The following FGGY variants were observed in gnomAD, a reference collection of about 807,000 sequenced individuals.
The protein encoded by FGGY is FGGY carbohydrate kinase domain-containing protein.
In FGGY, 72 loss-of-function variants were observed where a neutral mutation model predicts 71.3. The observed-to-expected ratio is 1.01, with a 90% CI of 0.84 to 1.23. The LOEUF (loss-of-function observed/expected upper bound fraction) is 1.23, where lower values mean the gene tolerates loss of function less well. Among genes scored for constraint, FGGY ranks in the 50% most tolerant of loss-of-function variants. The probability of loss-of-function intolerance (pLI) is 0.00; values close to 1 mark genes in which losing one functional copy is unlikely to be tolerated. For missense variants in FGGY, 668 were observed against 682.3 expected, an observed-to-expected ratio of 0.98 and a Z score of 0.23; for synonymous variants, 251 against 250.3, an observed-to-expected ratio of 1.00 and a Z score of -0.02.
chr1:59,400,870 C>T lies in FGGY; in HGVS notation c.554+22033C>T, dbSNP rs564487389. ...CACTGCAGCCTTGACCTCCCAGGCT[C>T]GAGCAATCTGCCCTCCTCAGCCTCT... On this transcript the variant is annotated intron_variant, in intron 5 of 15. Transcript: ENST00000303721. Among the ~76,000 whole-genome samples the T allele has an allele frequency of 7.2e-5, 11 of 152,180 alleles. No individual in the cohort carries two copies. The East Asian group carries it at 1.2e-3, about 16-fold the overall frequency.
intron 5 of FGGY, among the ~76,000 whole-genome samples, chr1:59,381,739 G>A (rs1198832878): frequency 1.3e-5 from 2 of 151,814 alleles, no homozygotes; most frequent in Admixed American, 1.3e-4. Flanking sequence ...GGATGGATGT[G>A]TTATGTACTT....
At chr1:59,683,253 G>T (rs1286389978) in intron 14 of FGGY, among the ~76,000 whole-genome samples, 4 of 152,188 alleles carry the variant, frequency 2.6e-5, no homozygotes, top group African/African-American at 9.7e-5. Flanking sequence ...TTTAAGTAAT[G>T]TGCCTGTGGT....
chr1:59,358,224 T>C (rs1183238208), intron 4 of FGGY, among the ~76,000 whole-genome samples: 1 of 152,212 alleles, frequency 6.6e-6, no homozygotes, highest in Non-Finnish European at 1.5e-5. Context: ...GGTATTCTTT[T>C]GGAGGAGTAA....
At chr1:59,325,476 A>C (rs1055897145) in intron 2 of FGGY, among the ~76,000 whole-genome samples, 1 of 152,198 alleles carries the variant, frequency 6.6e-6, no homozygotes, top group Non-Finnish European at 1.5e-5. Context: ...CTCAGCAGAA[A>C]GAGAGGGTGA....
chr1:59,472,781 AC>A (rs1208084748), intron 6 of FGGY, among the ~76,000 whole-genome samples: 1 of 151,282 alleles, frequency 6.6e-6, no homozygotes, highest in Non-Finnish European at 1.5e-5. Flanking sequence ...GAGGTGGAGA[AC>A]TTTTGTGTCT....
intron 5 of FGGY, among the ~76,000 whole-genome samples, chr1:59,387,647 A>T (rs7534016): frequency 6.6e-6 from 1 of 152,070 alleles, no homozygotes; most frequent in Non-Finnish European, 1.5e-5. Flanking sequence ...ACTTGAGAGA[A>T]TGGCATATTG....
intron 4 of FGGY, among the ~76,000 whole-genome samples, chr1:59,375,349 T>G (rs1234469356): frequency 6.6e-6 from 1 of 151,614 alleles, no homozygotes; most frequent in African/African-American, 2.4e-5. Flanking sequence ...AGGTAAGGGA[T>G]CAGGCTTCTG....
At chr1:59,480,602 A>T (rs978545867) in intron 6 of FGGY, among the ~76,000 whole-genome samples, 1 of 152,150 alleles carries the variant, frequency 6.6e-6, no homozygotes, top group Non-Finnish European at 1.5e-5. Flanking sequence ...TGTGTTATTT[A>T]AAAAGAAGAG....
chr1:59,305,313 A>G (rs1019363141), intron 1 of FGGY, among the ~76,000 whole-genome samples: 2 of 152,164 alleles, frequency 1.3e-5, no homozygotes, highest in African/African-American at 4.8e-5. Context: ...TATTGAGATG[A>G]TAGTATTTTT....
chr1:59,482,570 A>ATGTG (rs5774470), intron 6 of FGGY, among the ~76,000 whole-genome samples: 34,031 of 147,792 alleles, frequency 0.23, 4,513 homozygotes, highest in Middle Eastern at 0.44. Flanking sequence ...GTGTATATAT[A>ATGTG]TGTGTGTGTG....
intron 4 of FGGY, among the ~76,000 whole-genome samples, chr1:59,363,980 A>T (rs1015629559): frequency 6.6e-6 from 1 of 152,216 alleles, no homozygotes; most frequent in African/African-American, 2.4e-5. Flanking sequence ...ACAAGTAAGG[A>T]TGCACATACC....
chr1:59,646,733 A>C (rs2097098383), intron 11 of FGGY, among the ~76,000 whole-genome samples: 1 of 152,108 alleles, frequency 6.6e-6, no homozygotes, highest in Non-Finnish European at 1.5e-5. Flanking sequence ...GTCCCATTTA[A>C]AAGAAGAGAG....
At chr1:59,429,687 C>T (rs543884292) in intron 5 of FGGY, among the ~76,000 whole-genome samples, 43 of 152,248 alleles carry the variant, frequency 2.8e-4, no homozygotes, top group African/African-American at 9.9e-4. Flanking sequence ...CACAGGTGTG[C>T]ACATATGCAT....
chr1:59,393,884 G>T (rs182300571), intron 5 of FGGY, among the ~76,000 whole-genome samples: 2 of 152,084 alleles, frequency 1.3e-5, no homozygotes, highest in African/African-American at 2.4e-5. Flanking sequence ...ACACAATGTC[G>T]TCTATTCTGT....
chr1:59,323,962 C>CT (rs910013999), intron 2 of FGGY, among the ~76,000 whole-genome samples: 15 of 152,250 alleles, frequency 9.9e-5, no homozygotes, highest in African/African-American at 2.9e-4. Flanking sequence ...GGTTAGGGTT[C>CT]TTACTGTGTA....
At chr1:59,402,621 G>C (rs1320132773) in intron 5 of FGGY, among the ~76,000 whole-genome samples, 1 of 152,172 alleles carries the variant, frequency 6.6e-6, no homozygotes, top group African/African-American at 2.4e-5. Context: ...ATATTGCTTA[G>C]TATTTGGAAT....
chr1:59,500,104 G>A (rs989744439), intron 6 of FGGY, among the ~76,000 whole-genome samples: 6 of 152,184 alleles, frequency 3.9e-5, no homozygotes, highest in South Asian at 2.1e-4. Flanking sequence ...TCAGGACAAC[G>A]GCATAGAAGG....
At chr1:59,445,636 C>T (rs185707645) in intron 5 of FGGY, among the ~76,000 whole-genome samples, 1 of 152,188 alleles carries the variant, frequency 6.6e-6, no homozygotes, top group Non-Finnish European at 1.5e-5. Flanking sequence ...CCCTTTTTTA[C>T]CAGAACATCC....
rs921626207 is a variant in FGGY, at chr1:59,387,019, G to A, written c.554+8182G>A. ...GAATTCATGGCTTTTAGAAACTGAAGTCTCTTTAAAATAATTATTACGTTT... is the reference window on the plus strand; with the variant it reads ...GAATTCATGGCTTTTAGAAACTGAAATCTCTTTAAAATAATTATTACGTTT... On this transcript the variant is annotated intron_variant, in intron 5 of 15. Coordinates refer to ENST00000303721, the MANE Select transcript of FGGY (RefSeq NM_018291.5). Among the ~76,000 whole-genome samples, 3 of 151,854 alleles carry A rather than the reference G, an allele frequency of 2.0e-5. No individual in the cohort carries two copies. The East Asian group carries it at 5.8e-4, about 29-fold the overall frequency.
Sources: allele counts gnomAD v4.1 joint callset (sites outside exome capture counted in the v4.1 genomes callset), GRCh38; gene constraint gnomAD v4.1.1; transcripts MANE v1.5; gene names NCBI Gene and HGNC (gene_info 2026-07-23, HGNC 2026-07-21).